The following GPATCH2 variants were observed in gnomAD, a reference collection of about 807,000 sequenced individuals.
GPATCH2 encodes the protein G-patch domain containing 2.
In GPATCH2, 51 loss-of-function variants were observed where a neutral mutation model predicts 58.0. The observed-to-expected ratio is 0.88, with a 90% CI of 0.70 to 1.11. The LOEUF (loss-of-function observed/expected upper bound fraction) is 1.11, where lower values mean the gene tolerates loss of function less well. Ranked by LOEUF, GPATCH2 falls within the 50% of genes most tolerant of loss-of-function variation. The pLI is 0.00. For synonymous variants in GPATCH2, 222 were observed against 218.5 expected (o/e 1.02, Z -0.14); for missense variants, 625 against 652.2 (o/e 0.96, Z 0.45).
chr1:217,431,172 A>T lies in GPATCH2; in HGVS notation c.1560T>A (p.Thr520=). The change falls in exon 10 of 10, where the codon ACT becomes ACA. Residue 520 remains threonine (T), a synonymous_variant. Transcript: ENST00000366935. The part of the protein sequence containing the change: ...FPLPKSTSAT[T]TPNAGKSA ...AGGCGGATTTTCCTGCATTGGGGGT[A>T]GTAGTTGCGGAAGTACTTTTTGGTA... 1 of 1,566,756 alleles carries T rather than the reference A, an allele frequency of 6.4e-7. No individual in the cohort carries two copies. Among genetic ancestry groups the T allele is most frequent in the South Asian group, 1.1e-5 (1 of 90,184 alleles).
At chr1:217,569,503 C>T (rs1044750044) in intron 5 of GPATCH2, among the ~76,000 whole-genome samples, 11 of 151,616 alleles carry the variant, frequency 7.3e-5, no homozygotes, top group South Asian at 2.1e-4. Context: ...GAGACCAGCC[C>T]GGCTAACGTG....
chr1:217,593,422 T>C (rs568853210), intron 5 of GPATCH2, among the ~76,000 whole-genome samples: 43 of 152,124 alleles, frequency 2.8e-4, no homozygotes, highest in African/African-American at 9.4e-4. Context: ...TTGTATTTTA[T>C]GGAAAAGGAG....
intron 6 of GPATCH2, among the ~76,000 whole-genome samples, chr1:217,507,234 G>A (rs1339459441): frequency 1.3e-5 from 2 of 152,134 alleles, no homozygotes; most frequent in African/African-American, 4.8e-5. Context: ...GAGAACACTG[G>A]GCTGTGTGAT....
intron 5 of GPATCH2, among the ~76,000 whole-genome samples, chr1:217,592,991 C>T (rs1004457967): frequency 2.0e-5 from 3 of 151,910 alleles, no homozygotes; most frequent in African/African-American, 4.8e-5. Context: ...CTCTTAAGTG[C>T]TTGTTTTATG....
Position 217,446,951 on chromosome 1 carries a change from C to G in GPATCH2, c.1366+2298G>C, listed in dbSNP as rs146280015. Among the ~76,000 whole-genome samples, 531 of 152,280 alleles carry G rather than the reference C, an allele frequency of 3.5e-3. 4 individuals are homozygous for G. The highest frequency in any genetic ancestry group is 0.012 in the African/African-American group (515 of 41,548). On this transcript the variant is annotated intron_variant, in intron 9 of 9. Coordinates refer to ENST00000366935, the MANE Select transcript of GPATCH2 (RefSeq NM_018040.5). ...ATGTTCGGAGTGTTAGGACGTGACC[C>G]CAGTATTTTCTTTTCCTTATTGCTG...
At chr1:217,517,375 C>T (rs960403968) in intron 5 of GPATCH2, among the ~76,000 whole-genome samples, 2 of 151,996 alleles carry the variant, frequency 1.3e-5, no homozygotes, top group East Asian at 1.9e-4. Flanking sequence ...TGGTCTGCCT[C>T]AGGAGTAAAA....
At chr1:217,563,232 A>G (rs2102696565) in intron 5 of GPATCH2, among the ~76,000 whole-genome samples, 1 of 152,288 alleles carries the variant, frequency 6.6e-6, no homozygotes, top group Middle Eastern at 3.4e-3. Context: ...TTATACAGCC[A>G]CTATTAGGTC....
Position 217,620,484 on chromosome 1 carries a change from G to T in GPATCH2, c.72C>A (p.Thr24=), listed in dbSNP as rs769558637. ...CAAGGTCATGAACCAGCTCCTCCAT[G>T]GTTCTACTGAAATGCCTTCATTTTT... ...AAGNSWHFSR[T]MEELVHDLVS... is the part of the protein sequence containing the mutation. Residue 24 remains threonine, a synonymous_variant, in exon 2 of 10, where the codon ACC becomes ACA. Transcript: ENST00000366935. 14 of 1,600,848 alleles carry T rather than the reference G, an allele frequency of 8.7e-6. No homozygotes were observed. Among genetic ancestry groups the T allele is most frequent in the Non-Finnish European group, 1.2e-5 (14 of 1,172,280 alleles).
chr1:217,556,530 G>A (rs998353608), intron 5 of GPATCH2, among the ~76,000 whole-genome samples: 26 of 152,210 alleles, frequency 1.7e-4, no homozygotes, highest in African/African-American at 6.3e-4. Flanking sequence ...TAACATTGGT[G>A]CATCTAGCTG....
chr1:217,624,159 A>G (rs1247486499), intron 1 of GPATCH2, among the ~76,000 whole-genome samples: 1 of 152,162 alleles, frequency 6.6e-6, no homozygotes, highest in South Asian at 2.1e-4. Context: ...ACCAAAACCC[A>G]TGCTAATGAG....
At chr1:217,538,743 C>T (rs1204631637) in intron 5 of GPATCH2, among the ~76,000 whole-genome samples, 4 of 152,130 alleles carry the variant, frequency 2.6e-5, no homozygotes, top group African/African-American at 7.2e-5. Context: ...CCACAATGTA[C>T]GCTTTTTTAA....
chr1:217,533,343 T>C (rs1664297080), intron 5 of GPATCH2, among the ~76,000 whole-genome samples: 1 of 152,240 alleles, frequency 6.6e-6, no homozygotes, highest in African/African-American at 2.4e-5. Context: ...TGTTTTTAAA[T>C]TCAAGAATCT....
At chr1:217,569,834 GC>G (rs1245220026) in intron 5 of GPATCH2, among the ~76,000 whole-genome samples, 1 of 152,086 alleles carries the variant, frequency 6.6e-6, no homozygotes, top group African/African-American at 2.4e-5. Context: ...GAGCCCAAGA[GC>G]CCAAAATGTA....
intron 8 of GPATCH2, among the ~76,000 whole-genome samples, chr1:217,475,136 A>G (rs775310356): frequency 6.6e-6 from 1 of 152,144 alleles, no homozygotes; most frequent in Non-Finnish European, 1.5e-5. Context: ...TATGAAAGGA[A>G]TGTTCAAAGA....
At chr1:217,471,408 T>C (rs1309573263) in intron 8 of GPATCH2, among the ~76,000 whole-genome samples, 1 of 152,172 alleles carries the variant, frequency 6.6e-6, no homozygotes, top group South Asian at 2.1e-4. Context: ...TTGGCAAACC[T>C]GCAAAATGAC....
chr1:217,617,289 C>A (rs1277740508), intron 2 of GPATCH2, among the ~76,000 whole-genome samples: 1 of 152,158 alleles, frequency 6.6e-6, no homozygotes, highest in African/African-American at 2.4e-5. Flanking sequence ...CTATGAATGC[C>A]ATTTCCCTCT....
intron 5 of GPATCH2, among the ~76,000 whole-genome samples, chr1:217,533,488 A>C (rs1664304977): frequency 6.6e-6 from 1 of 152,076 alleles, no homozygotes; most frequent in Admixed American, 6.6e-5. Context: ...AGTCTCAGGG[A>C]CCCCCAGTGG....
chr1:217,569,360 T>C (rs1012055701), intron 5 of GPATCH2, among the ~76,000 whole-genome samples: 4 of 152,086 alleles, frequency 2.6e-5, no homozygotes, highest in Admixed American at 1.3e-4. Flanking sequence ...GGGGTGGATA[T>C]GTGTGACCCA....
At chr1:217,577,810 C>G (rs1042017643) in intron 5 of GPATCH2, among the ~76,000 whole-genome samples, 1 of 151,968 alleles carries the variant, frequency 6.6e-6, no homozygotes, top group East Asian at 1.9e-4. Context: ...TGCAATGGTG[C>G]GATCTCAGCT....
Sources: allele counts gnomAD v4.1 joint callset (sites outside exome capture counted in the v4.1 genomes callset), GRCh38; gene constraint gnomAD v4.1.1; transcripts MANE v1.5; gene names NCBI Gene and HGNC (gene_info 2026-07-23, HGNC 2026-07-21).